The following SLC37A3 variants were observed in gnomAD, a reference collection of about 807,000 sequenced individuals.
The protein encoded by SLC37A3 is solute carrier family 37 member 3.
A neutral mutation model predicts 67.1 loss-of-function variants in SLC37A3; 51 were observed. That is an observed-to-expected ratio of 0.76 (90% CI 0.61 to 0.96). The LOEUF (loss-of-function observed/expected upper bound fraction) is 0.96. Among genes scored for constraint, SLC37A3 ranks in the 40% least tolerant of loss-of-function variants. The pLI is 0.00. For missense variants in SLC37A3, 508 were observed against 603.0 expected (o/e 0.84, Z 1.65); for synonymous variants, 214 against 231.4 (o/e 0.92, Z 0.68).
rs75934665 is a variant in SLC37A3 at position 140,390,320 on chromosome 7, T to C, written c.-70-7724A>G. ...AACAGAGATACACGGTTAGCAAGCC[T>C]CGTATCTTTCCTCTCTAGAAACCTA... On this transcript the variant is annotated intron_variant, in intron 1 of 14. Transcript: ENST00000326232. Among the ~76,000 whole-genome samples the C allele has an allele frequency of 5.5e-3, 839 of 152,086 alleles. 6 individuals carry two copies. The highest frequency in any genetic ancestry group is 0.018 in the African/African-American group (748 of 41,486).
chr7:140,396,896 T>TG lies in SLC37A3; in HGVS notation c.-71+1519_-71+1520insC, dbSNP rs1798953236. Among the ~76,000 whole-genome samples the TG allele has an allele frequency of 5.4e-4, 24 of 44,656 alleles. No individual in the cohort carries two copies. The South Asian group carries it at 6.2e-3, about 12-fold the overall frequency. The allele number at this position is 44,656 out of a possible 152,430, so 29.3% of individuals were successfully genotyped here. On this transcript the variant is annotated intron_variant, in intron 1 of 14. Transcript: ENST00000326232. ...TCTCAATTTCTGTTTTTTTTTTTGT[T>TG]TTTTTTTTTTTGACAGAGTCTGAGG...
In SLC37A3 at chr7:140,380,395, A is replaced by C. The variant is rs774454607; in HGVS notation, c.90-5T>G. 6.3e-7 allele frequency: 1 copy of C among 1,593,582 alleles called. No homozygotes were observed. On this transcript the variant is annotated splice_region_variant and splice_polypyrimidine_tract_variant and intron_variant, in intron 2 of 14. Coordinates refer to ENST00000326232, the MANE Select transcript of SLC37A3 (RefSeq NM_207113.3). Reference sequence around the variant, plus strand: ...GAAGCATGGAGCAACGAATAACTACAAAATAGAGAGAATACAGATGAATGA... The same window carrying C: ...GAAGCATGGAGCAACGAATAACTACCAAATAGAGAGAATACAGATGAATGA...
chr7:140,366,846 C>A (rs1797619944), intron 4 of SLC37A3, among the ~76,000 whole-genome samples: 1 of 152,044 alleles, frequency 6.6e-6, no homozygotes, highest in African/African-American at 2.4e-5. Flanking sequence ...TAATAATTAA[C>A]CAAATAGGCT....
chr7:140,371,040 AC>A (rs557924985), intron 3 of SLC37A3, among the ~76,000 whole-genome samples: 292 of 152,310 alleles, frequency 1.9e-3, no homozygotes, highest in African/African-American at 6.7e-3. Context: ...CCCAAGCCCC[AC>A]CTAGCAACCC....
chr7:140,362,021 A>G (rs1402880801), intron 5 of SLC37A3, among the ~76,000 whole-genome samples: 1 of 115,034 alleles, frequency 8.7e-6, no homozygotes, highest in East Asian at 2.7e-4. Flanking sequence ...ATCGTCTGGG[A>G]TATGAGGAGC....
intron 7 of SLC37A3, among the ~76,000 whole-genome samples, chr7:140,355,360 C>T (rs150217986): frequency 0.01 from 1,590 of 152,192 alleles, 18 homozygotes; most frequent in African/African-American, 0.029. Flanking sequence ...TATAGGCATG[C>T]GCCACCACAC....
At chr7:140,337,505 T>C (rs1796189941) in intron 13 of SLC37A3, 156 bp from the exon 14 acceptor site, 1 of 514,514 alleles carries the variant, frequency 1.9e-6, no homozygotes, top group Non-Finnish European at 3.3e-6. Flanking sequence ...TACATGTGCC[T>C]GCTGTGATTA....
At chr7:140,368,341 G>A (rs1288683195) in intron 4 of SLC37A3, among the ~76,000 whole-genome samples, 1 of 152,022 alleles carries the variant, frequency 6.6e-6, no homozygotes, top group African/African-American at 2.4e-5. Context: ...CGAGGCAAGC[G>A]GATCGTCTGA....
chr7:140,353,640 A>C (rs181878404), intron 7 of SLC37A3, among the ~76,000 whole-genome samples: 1 of 152,132 alleles, frequency 6.6e-6, no homozygotes, highest in East Asian at 1.9e-4. Flanking sequence ...ATTCTCTTTC[A>C]TTCTTCCTTC....
At chr7:140,393,950 G>A (rs879404745) in intron 1 of SLC37A3, among the ~76,000 whole-genome samples, 5 of 151,758 alleles carry the variant, frequency 3.3e-5, no homozygotes, top group Admixed American at 6.6e-5. Context: ...GCAGACAGAC[G>A]GCTTGAGCCC....
intron 7 of SLC37A3, among the ~76,000 whole-genome samples, chr7:140,354,554 G>C (rs1201316773): frequency 6.6e-6 from 1 of 151,918 alleles, no homozygotes; most frequent in Admixed American, 6.6e-5. Context: ...AGCATATACA[G>C]GGAGTTAAAT....
intron 5 of SLC37A3, among the ~76,000 whole-genome samples, chr7:140,362,743 A>C (rs866504586): frequency 1.3e-4 from 4 of 31,126 alleles, no homozygotes; most frequent in Admixed American, 7.1e-4. Flanking sequence ...TCAGCCCCCC[A>C]CCCGGCCAGC....
intron 7 of SLC37A3, 25 bp downstream of exon 7, chr7:140,355,643 A>G (rs1420535187): frequency 6.3e-7 from 1 of 1,577,552 alleles, no homozygotes; most frequent in Admixed American, 1.7e-5. Context: ...GAGAGAGAGC[A>G]CCAGAGCTAG....
chr7:140,353,937 C>A (rs963121630), intron 7 of SLC37A3, among the ~76,000 whole-genome samples: 1 of 152,130 alleles, frequency 6.6e-6, no homozygotes, highest in Admixed American at 6.6e-5. Context: ...GTCTTGAACT[C>A]CTGACCTCGT....
At chr7:140,386,449 C>CAATAATAATAATAAT (rs59004511) in intron 1 of SLC37A3, among the ~76,000 whole-genome samples, 39,691 of 146,220 alleles carry the variant, frequency 0.27, 5,508 homozygotes, top group Middle Eastern at 0.35. Context: ...TATGCAATTA[C>CAATAATAATAATAAT]AATAATAATA....
At chr7:140,337,177 G>T in intron 14 of SLC37A3, 107 bp downstream of exon 14, 1 of 638,852 alleles carries the variant, frequency 1.6e-6, no homozygotes, top group Non-Finnish European at 2.5e-6. Flanking sequence ...TTTCACAAAG[G>T]AGCCTTTAAA....
chr7:140,354,740 G>GTT (rs757344637), intron 7 of SLC37A3, among the ~76,000 whole-genome samples: 47 of 124,366 alleles, frequency 3.8e-4, no homozygotes, highest in Admixed American at 4.1e-4. Flanking sequence ...GCTTTTTGGT[G>GTT]TTTTTTTTTT....
intron 6 of SLC37A3, among the ~76,000 whole-genome samples, chr7:140,357,056 T>A (rs1254074299): frequency 1.3e-5 from 2 of 151,326 alleles, no homozygotes; most frequent in Non-Finnish European, 2.9e-5. Flanking sequence ...CCACTAAAAA[T>A]ACAAAAAATT....
intron 2 of SLC37A3, among the ~76,000 whole-genome samples, chr7:140,380,601 T>A (rs990239105): frequency 6.6e-6 from 1 of 152,136 alleles, no homozygotes; most frequent in African/African-American, 2.4e-5. Context: ...CAAGCTAGAG[T>A]GCAGTTATGA....
Sources: gnomAD v4.1 joint callset for allele counts (sites outside exome capture counted in the v4.1 genomes callset) on GRCh38, gnomAD v4.1.1 for gene constraint, MANE v1.5 for transcripts, NCBI Gene and HGNC (gene_info 2026-07-23, HGNC 2026-07-21) for gene names.